Variants in TRAF4 observed in about 807,000 individuals in gnomAD.
TRAF4 encodes the protein TNF receptor-associated factor 4.
TRAF4 carries 9 observed loss-of-function variants against 47.3 expected under a neutral mutation model. That is an observed-to-expected ratio of 0.19 (90% CI 0.11 to 0.33). The LOEUF (loss-of-function observed/expected upper bound fraction) is 0.33. TRAF4 is among the 10% of genes least tolerant of loss of function. TRAF4 has a pLI of 1.00. For missense variants in TRAF4, 448 were observed against 620.3 expected, an observed-to-expected ratio of 0.72 and a Z score of 2.95; for synonymous variants, 236 against 236.9, an observed-to-expected ratio of 1.00 and a Z score of 0.04.
chr17:28,744,025 G>C lies in TRAF4; in HGVS notation c.-88G>C. 9.7e-7 allele frequency: 1 copy of C among 1,029,176 alleles called. No homozygotes were observed. Among genetic ancestry groups the C allele is most frequent in the Non-Finnish European group, 1.2e-6 (1 of 861,526 alleles). 63.8% of individuals were successfully genotyped at this position (1,029,176 alleles called of 1,614,324 possible). A position where few individuals can be genotyped will look rare whatever the true frequency, so the allele number is the denominator to read the frequency against. On this transcript the variant is annotated 5_prime_UTR_variant, in exon 1 of 7. Transcript: ENST00000262395. The stretch of plus-strand genomic sequence containing the variant: ...CCGCGACCGCCAGTCGGCGCCGCCC[G>C]GAGCCGGGAGCGCCGCTCCAGCGAG...
Position 28,748,300 on chromosome 17 carries a change from T to C in TRAF4, c.501T>C (p.Cys167=), listed in dbSNP as rs935474523. The change falls in exon 5 of 7, where the codon TGT becomes TGC. Residue 167 remains cysteine (C), a synonymous_variant. Transcript: ENST00000262395. The stretch of plus-strand genomic sequence containing the variant: ...TGTGCCCCCAGGAGAGTGTCTACTG[T>C]GAGAATAAGTGTGGTGCCCGCATGA... ...EGMCPQESVY[C]ENKCGARMMR... 6.2e-7 allele frequency: 1 copy of C among 1,613,234 alleles called. No individual in the cohort carries two copies. The highest frequency in any genetic ancestry group is 1.3e-5 in the African/African-American group (1 of 74,794).
In TRAF4 at chr17:28,747,838, C is replaced by T. The variant is rs1255532061; in HGVS notation, c.196-5C>T. On this transcript the variant is annotated splice_polypyrimidine_tract_variant and splice_region_variant and intron_variant, in intron 2 of 6. Transcript: ENST00000262395. ...CCTGGCCAGTTCCCCCATCCCTACC[C>T]CCAGATCTACCCAGACCCGGAGCTG... 1 of 1,612,732 alleles carries T rather than the reference C, an allele frequency of 6.2e-7. No individual in the cohort carries two copies. The highest frequency in any genetic ancestry group is 1.7e-5 in the Admixed American group (1 of 59,862).
intron 1 of TRAF4, 31 bp downstream of exon 1, chr17:28,744,286 GC>G: frequency 2.0e-6 from 3 of 1,494,678 alleles, no homozygotes; most frequent in Non-Finnish European, 2.7e-6. Flanking sequence ...GACAGCGGGG[GC>G]GGGGCGGGGC....
At chr17:28,744,678 G>A (rs2034481133) in intron 1 of TRAF4, 1 of 180,492 alleles carries the variant, frequency 5.5e-6, no homozygotes, top group Non-Finnish European at 1.2e-5. Context: ...GAGAACGGTA[G>A]CTATTGTTCT....
chr17:28,747,410 C>G (rs1233117947), intron 2 of TRAF4, 146 bp downstream of exon 2: 1 of 992,930 alleles, frequency 1.0e-6, no homozygotes, highest in Non-Finnish European at 1.4e-6. Flanking sequence ...TTCCCTCCCA[C>G]CAGGCCAGTT....
rs781437530 is a variant in TRAF4, at chr17:28,749,605, C to T, written c.*28C>T. Reference sequence around the variant, plus strand: ...GCAGGTGGGGTTCGAGGGGAAAGGACGATGGGGCATGACCTCAGTCAGGCA... The same window carrying T: ...GCAGGTGGGGTTCGAGGGGAAAGGATGATGGGGCATGACCTCAGTCAGGCA... On this transcript the variant is annotated 3_prime_UTR_variant, in exon 7 of 7. Transcript: ENST00000262395. 1.2e-5 allele frequency: 19 copies of T among 1,596,612 alleles called. No individual in the cohort carries two copies. Among genetic ancestry groups the T allele is most frequent in the Non-Finnish European group, 1.5e-5 (18 of 1,170,894 alleles).
At position 28,749,789 on chromosome 17, in the gene TRAF4, G is replaced by C. The variant is rs1401475189; in HGVS notation, c.*212G>C. 8.4e-6 allele frequency: 7 copies of C among 836,340 alleles called. No individual in the cohort carries two copies. The highest frequency in any genetic ancestry group is 1.4e-5 in the Non-Finnish European group (7 of 507,886). 51.8% of individuals were successfully genotyped at this position (836,340 alleles called of 1,614,324 possible). On this transcript the variant is annotated 3_prime_UTR_variant, in exon 7 of 7. Transcript: ENST00000262395. Reference sequence around the variant, plus strand: ...GGAACAGGTCTTGGGGTCATGAAGGGCTGGAAACAAGTGACCCCAGGGCCT... The same window carrying C: ...GGAACAGGTCTTGGGGTCATGAAGGCCTGGAAACAAGTGACCCCAGGGCCT...
chr17:28,745,851 G>A (rs1378459517), intron 1 of TRAF4, among the ~76,000 whole-genome samples: 1 of 152,040 alleles, frequency 6.6e-6, no homozygotes, highest in African/African-American at 2.4e-5. Context: ...GAAGCCTAGG[G>A]ACTTGCCTCT....
rs761904389 is a variant in TRAF4 at position 28,748,043 on chromosome 17, T to G, written c.327T>G (p.Asn109Lys). ...LQGHLNTCSF[N>K]VIPCPNRCPM... Reference sequence around the variant, plus strand: ...GCCACCTGAATACCTGCAGCTTCAATGTCATTCCCTGCCCTAATCGCTGCC... The same window carrying G: ...GCCACCTGAATACCTGCAGCTTCAAGGTCATTCCCTGCCCTAATCGCTGCC... The change falls in exon 4 of 7, where the codon AAT (asparagine) becomes AAG (lysine). Residue 109 changes from asparagine (N) to lysine (K), a missense_variant. Physicochemically the swap from Asn to Lys is moderately conservative, Grantham distance 94 (BLOSUM62 0). Coordinates refer to ENST00000262395, the MANE Select transcript of TRAF4 (RefSeq NM_004295.4). 1 of 1,614,134 alleles carries G rather than the reference T, an allele frequency of 6.2e-7. No homozygotes were observed. The highest frequency in any genetic ancestry group is 1.1e-5 in the South Asian group (1 of 91,090).
chr17:28,749,593 G>C lies in TRAF4; in HGVS notation c.*16G>C. On this transcript the variant is annotated 3_prime_UTR_variant, in exon 7 of 7. Transcript: ENST00000262395. ...CCTCAGCTGAGTGCAGGTGGGGTTC[G>C]AGGGGAAAGGACGATGGGGCATGAC... 1 of 1,602,166 alleles carries C rather than the reference G, an allele frequency of 6.2e-7. No individual in the cohort carries two copies. The highest frequency in any genetic ancestry group is 8.5e-7 in the Non-Finnish European group (1 of 1,173,506).
chr17:28,746,614 G>C (rs1478795230), intron 1 of TRAF4: 1 of 152,384 alleles, frequency 6.6e-6, no homozygotes, highest in Non-Finnish European at 1.5e-5. Flanking sequence ...CTGTAAAATG[G>C]GGGCATTCCA....
chr17:28,744,045 A>G lies in TRAF4; in HGVS notation c.-68A>G. 2 of 1,094,128 alleles carry G rather than the reference A, an allele frequency of 1.8e-6. No individual in the cohort carries two copies. The highest frequency in any genetic ancestry group is 1.1e-6 in the Non-Finnish European group (1 of 902,620). The allele number at this position is 1,094,128 out of a possible 1,614,324, so 67.8% of individuals were successfully genotyped here. A position where few individuals can be genotyped will look rare whatever the true frequency, so the allele number is the denominator to read the frequency against. ...CGCCCGGAGCCGGGAGCGCCGCTCC[A>G]GCGAGGCGCGGGCTGTGGGGCCGCC... is the stretch of plus-strand genomic sequence containing the variant. On this transcript the variant is annotated 5_prime_UTR_variant, in exon 1 of 7. Transcript: ENST00000262395.
chr17:28,744,632 C>T, intron 1 of TRAF4: 1 of 228,378 alleles, frequency 4.4e-6, no homozygotes, highest in Non-Finnish European at 8.8e-6. Context: ...CCGGAGCTTT[C>T]CCCCATCTAA....
Position 28,749,837 on chromosome 17 carries a change from G to C in TRAF4, c.*260G>C. ...CCTGTCTCCCTTCTTGGGTAGGGCAGACATGCCTTGGTGCCGGTCACACTC... is the reference window on the plus strand; with the variant it reads ...CCTGTCTCCCTTCTTGGGTAGGGCACACATGCCTTGGTGCCGGTCACACTC... On this transcript the variant is annotated 3_prime_UTR_variant, in exon 7 of 7. Transcript: ENST00000262395. The C allele has an allele frequency of 1.4e-6, 1 of 714,690 alleles. No individual in the cohort carries two copies. Among genetic ancestry groups the C allele is most frequent in the Non-Finnish European group, 2.5e-6 (1 of 396,708 alleles). 44.3% of individuals were successfully genotyped at this position (714,690 alleles called of 1,614,324 possible).
intron 1 of TRAF4, 141 bp from the exon 2 acceptor site, chr17:28,747,072 C>A: frequency 1.3e-6 from 1 of 797,896 alleles, no homozygotes; most frequent in Non-Finnish European, 1.9e-6. Context: ...GCCCCTCAGG[C>A]CTCTGCTTGC....
intron 2 of TRAF4, 67 bp from the exon 3 acceptor site, chr17:28,747,776 C>G: frequency 6.6e-7 from 1 of 1,505,046 alleles, no homozygotes; most frequent in African/African-American, 1.4e-5. Flanking sequence ...CCAGTTGGGT[C>G]TAGGGGTGGG....
chr17:28,744,470 C>T (rs558431521), intron 1 of TRAF4, among the ~76,000 whole-genome samples: 3 of 152,074 alleles, frequency 2.0e-5, no homozygotes, highest in South Asian at 2.1e-4. Context: ...CCCAACTGCC[C>T]GGCCCGGGGC....
At chr17:28,748,795 C>T in intron 6 of TRAF4, 129 bp downstream of exon 6, 3 of 1,488,988 alleles carry the variant, frequency 2.0e-6, no homozygotes, top group Non-Finnish European at 2.7e-6. Context: ...CTTCCCTCTG[C>T]TGCCAGCTCC....
Position 28,750,204 on chromosome 17 carries a change from C to G in TRAF4, c.*627C>G. ...GGGTCTGGCCCCAGGATCCAGCTTA[C>G]CTGCTGGCTCGCCCTCTGATGGACG... On this transcript the variant is annotated 3_prime_UTR_variant, in exon 7 of 7. Coordinates refer to ENST00000262395, the MANE Select transcript of TRAF4 (RefSeq NM_004295.4). 1.4e-5 allele frequency: 5 copies of G among 365,576 alleles called. No homozygotes were observed. In the South Asian group the frequency reaches 2.4e-4, roughly 17 times the overall value. 22.6% of individuals were successfully genotyped at this position (365,576 alleles called of 1,614,324 possible).
Sources: gnomAD v4.1 joint callset for allele counts (sites outside exome capture counted in the v4.1 genomes callset) on GRCh38, gnomAD v4.1.1 for gene constraint, MANE v1.5 for transcripts, NCBI Gene and HGNC (gene_info 2026-07-23, HGNC 2026-07-21) for gene names.